The following NDOR1 variants were observed in gnomAD, a reference collection of about 807,000 sequenced individuals.
NDOR1 encodes the protein NADPH dependent diflavin oxidoreductase 1, also known as NADPH-dependent diflavin oxidoreductase 1.
Under a neutral mutation model 67.2 loss-of-function variants are expected in NDOR1, and 61 were observed. The observed-to-expected ratio is 0.91, with a 90% CI of 0.74 to 1.12. The LOEUF is 1.12. Among genes scored for constraint, NDOR1 ranks in the 50% most tolerant of loss-of-function variants. The pLI is 0.00. For missense variants in NDOR1, 878 were observed against 802.8 expected (o/e 1.09, Z -1.13); for synonymous variants, 378 against 343.7 (o/e 1.10, Z -1.10).
chr9:137,212,932 C>T lies in NDOR1; in HGVS notation c.311+333C>T. 3.1e-6 allele frequency: 1 copy of T among 321,564 alleles called. No homozygotes were observed. Among genetic ancestry groups the T allele is most frequent in the East Asian group, 6.8e-5 (1 of 14,752 alleles). 19.9% of individuals were successfully genotyped at this position (321,564 alleles called of 1,614,324 possible). A position where few individuals can be genotyped will look rare whatever the true frequency, so the allele number is the denominator to read the frequency against. The stretch of plus-strand genomic sequence containing the variant: ...AGCCTGGAGGAGGACCCCGTATGCT[C>T]CTGCCACCCCAGAGGCCACCTCTGC... On this transcript the variant is annotated intron_variant, in intron 3 of 13. Transcript: ENST00000684003. This position sits in a 1 kb window ranked among gnomAD's most constrained non-coding sequence, Gnocchi z 4.3.
chr9:137,216,767 G>A lies in NDOR1; in HGVS notation c.*351G>A. 1 of 335,192 alleles carries A rather than the reference G, an allele frequency of 3.0e-6. No individual in the cohort carries two copies. The highest frequency in any genetic ancestry group is 3.0e-5 in the South Asian group (1 of 33,768). The allele number at this position is 335,192 out of a possible 1,614,324, so 20.8% of individuals were successfully genotyped here. A position where few individuals can be genotyped will look rare whatever the true frequency, so the allele number is the denominator to read the frequency against. On this transcript the variant is annotated 3_prime_UTR_variant, in exon 14 of 14. Transcript: ENST00000684003. ...CAGCAGCCCAGTGAGCACCAGGGGT[G>A]GCATAGGGCACCCATGAGGCTGCGC...
At position 137,216,292 on chromosome 9, in the gene NDOR1, C is replaced by T. The variant is rs771503335; in HGVS notation, c.1670C>T (p.Ala557Val). ...TCTAGCAACGCCAAGTCCATGCCAG[C>T]GGACGTCTCGGAAGCCCTGATGTCC... ...YLAGNAKSMP[A>V]DVSEALMSIF... Residue 557 changes from alanine (A) to valine (V), a missense_variant, in exon 14 of 14, where the codon GCG (alanine) becomes GTG (valine). Transcript: ENST00000684003. 12 of 1,612,542 alleles carry T rather than the reference C, an allele frequency of 7.4e-6. No homozygotes were observed. The highest frequency in any genetic ancestry group is 3.3e-4 in the Middle Eastern group (2 of 6,084).
chr9:137,215,527 C>T lies in NDOR1; in HGVS notation c.1288+6C>T. ...ATCCCTGGACCCTGGGCAAGGTGAC[C>T]CCTGCTCCCAGGGTGGGGGCCGTGG... On this transcript the variant is annotated splice_donor_region_variant and intron_variant, in intron 10 of 13. Transcript: ENST00000684003. The T allele has an allele frequency of 1.2e-6, 2 of 1,613,014 alleles. No individual in the cohort carries two copies. The highest frequency in any genetic ancestry group is 1.7e-6 in the Non-Finnish European group (2 of 1,179,840).
chr9:137,210,868 C>T (rs928782177), intron 2 of NDOR1, among the ~76,000 whole-genome samples: 4 of 152,108 alleles, frequency 2.6e-5, no homozygotes, highest in Non-Finnish European at 4.4e-5. Context: ...AGGCCGGGCA[C>T]GACGGCTCAC....
intron 3 of NDOR1, among the ~76,000 whole-genome samples, chr9:137,213,198 TTCCGTGCGTGACGTAGG>T (rs1835345376): frequency 1.3e-5 from 2 of 152,098 alleles, no homozygotes; most frequent in East Asian, 1.9e-4. Flanking sequence ...GGAGGTTTTG[TTCCGTGCGTGACGTAGG>T]TCCGTGCATG....
In NDOR1 at chr9:137,215,987, G is replaced by A; in HGVS notation, c.1524G>A (p.Leu508=). The A allele has an allele frequency of 1.2e-6, 2 of 1,613,368 alleles. No homozygotes were observed. Among genetic ancestry groups the A allele is most frequent in the Non-Finnish European group, 8.5e-7 (1 of 1,180,006 alleles). The change falls in exon 12 of 14, where the codon CTG becomes CTA. Residue 508 remains leucine, a synonymous_variant. Coordinates refer to ENST00000684003, the MANE Select transcript of NDOR1 (RefSeq NM_014434.4). ...AGGAGCTGGAGAAGCGGGACTGTCT[G>A]ACCCTCATCCCTGCCTTCTCCCGGG... ...EWQELEKRDC[L]TLIPAFSREQ...
At chr9:137,208,467 CAA>C (rs1256971725) in intron 2 of NDOR1, among the ~76,000 whole-genome samples, 1 of 149,622 alleles carries the variant, frequency 6.7e-6, no homozygotes, top group Non-Finnish European at 1.5e-5. Flanking sequence ...AAAAAAAAGA[CAA>C]AAAACAAAAC....
At chr9:137,206,203 G>A in intron 1 of NDOR1, 29 bp from the exon 2 acceptor site, 1 of 1,613,648 alleles carries the variant, frequency 6.2e-7, no homozygotes. Context: ...ACAGCCGGAG[G>A]TCTTACGTGT....
chr9:137,218,980 C>G lies in NDOR1; in HGVS notation c.*2564C>G, dbSNP rs2131383558. ...GCCACACTTCCCCTCCGAGGGCCAGCTGAGCACAGCAGGCATGAAAGCAAA... is the reference window on the plus strand; with the variant it reads ...GCCACACTTCCCCTCCGAGGGCCAGGTGAGCACAGCAGGCATGAAAGCAAA... On this transcript the variant is annotated 3_prime_UTR_variant, in exon 14 of 14. Coordinates refer to ENST00000684003, the MANE Select transcript of NDOR1 (RefSeq NM_014434.4). 4.6e-6 allele frequency: 1 copy of G among 217,740 alleles called. No individual in the cohort carries two copies. Among genetic ancestry groups the G allele is most frequent in the South Asian group, 1.8e-4 (1 of 5,410 alleles). The allele number at this position is 217,740 out of a possible 1,614,324, so 13.5% of individuals were successfully genotyped here. A position where few individuals can be genotyped will look rare whatever the true frequency, so the allele number is the denominator to read the frequency against.
In NDOR1 at chr9:137,213,957, T is replaced by C. The variant is rs749359494; in HGVS notation, c.411-10T>C. Reference sequence around the variant, plus strand: ...GGTCCGCTCAGGCCAGCGCACGTGCTCCCTCCCAGGCCCGACGCTGCTGTG... The same window carrying C: ...GGTCCGCTCAGGCCAGCGCACGTGCCCCCTCCCAGGCCCGACGCTGCTGTG... On this transcript the variant is annotated splice_polypyrimidine_tract_variant and intron_variant, in intron 4 of 13. Transcript: ENST00000684003. 5.7e-6 allele frequency: 9 copies of C among 1,567,768 alleles called. No individual in the cohort carries two copies. The Admixed American group carries it at 1.5e-4, about 27-fold the overall frequency.
chr9:137,218,960 A>G lies in NDOR1; in HGVS notation c.*2544A>G, dbSNP rs994079818. On this transcript the variant is annotated 3_prime_UTR_variant, in exon 14 of 14. Transcript: ENST00000684003. ...CTGGCCACGGGCTGACGCCGGCCAC[A>G]CTTCCCCTCCGAGGGCCAGCTGAGC... 8.0e-6 allele frequency: 2 copies of G among 248,674 alleles called. No homozygotes were observed. Among genetic ancestry groups the G allele is most frequent in the African/African-American group, 4.5e-5 (2 of 44,896 alleles). The allele number at this position is 248,674 out of a possible 1,614,324, so 15.4% of individuals were successfully genotyped here. A position where few individuals can be genotyped will look rare whatever the true frequency, so the allele number is the denominator to read the frequency against.
rs1431340956 is a variant in NDOR1, at chr9:137,205,819, A to G, written c.42A>G (p.Thr14=). ...PQLLVLFGSQ[T]GTAQDVSERL... Reference sequence around the variant, plus strand: ...TTCTGGTGCTCTTCGGCAGCCAGACAGGCACGGCTCAGGATGTGTCGGAGA... The same window carrying G: ...TTCTGGTGCTCTTCGGCAGCCAGACGGGCACGGCTCAGGATGTGTCGGAGA... Residue 14 remains threonine (T), a synonymous_variant, in exon 1 of 14, where the codon ACA becomes ACG. Transcript: ENST00000684003. 1.9e-6 allele frequency: 3 copies of G among 1,605,498 alleles called. No individual in the cohort carries two copies. Among genetic ancestry groups the G allele is most frequent in the African/African-American group, 2.7e-5 (2 of 74,912 alleles).
In NDOR1 at chr9:137,213,847, G is replaced by C; in HGVS notation, c.379G>C (p.Val127Leu). 5 of 1,611,090 alleles carry C rather than the reference G, an allele frequency of 3.1e-6. No individual in the cohort carries two copies. The highest frequency in any genetic ancestry group is 3.4e-6 in the Non-Finnish European group (4 of 1,179,180). The change falls in exon 4 of 14, where the codon GTG (valine) becomes CTG (leucine). Residue 127 changes from valine (V) to leucine (L), a missense_variant. Physicochemically the swap from Val to Leu is conservative, Grantham distance 32. Transcript: ENST00000684003. The stretch of plus-strand genomic sequence containing the variant: ...GCTTGGGGGCAGCGCCCTCCTGCCC[G>C]TGTGCCTGGGCGATGACCAGCATGA... The part of the protein sequence containing the change: ...LQLGGSALLP[V>L]CLGDDQHELG...
Position 137,218,191 on chromosome 9 carries a change from C to T in NDOR1, c.*1775C>T, listed in dbSNP as rs1287624057. 1.8e-5 allele frequency: 7 copies of T among 398,386 alleles called. No homozygotes were observed. Among genetic ancestry groups the T allele is most frequent in the Middle Eastern group, 6.2e-4 (1 of 1,610 alleles). 24.7% of individuals were successfully genotyped at this position (398,386 alleles called of 1,614,324 possible). A position where few individuals can be genotyped will look rare whatever the true frequency, so the allele number is the denominator to read the frequency against. ...GGCTGCTGGGCTCGGCCTCCAGTGC[C>T]GACCTGGGCCGGGTGCGCTGCCCGC... On this transcript the variant is annotated 3_prime_UTR_variant, in exon 14 of 14. Coordinates refer to ENST00000684003, the MANE Select transcript of NDOR1 (RefSeq NM_014434.4).
chr9:137,215,341 G>A, intron 9 of NDOR1, 66 bp from the exon 10 acceptor site: 1 of 1,568,150 alleles, frequency 6.4e-7, no homozygotes. Flanking sequence ...GGTAGGTGGG[G>A]CCCACGGCCC....
chr9:137,207,685 G>A (rs1386242563), intron 2 of NDOR1, among the ~76,000 whole-genome samples: 3 of 152,192 alleles, frequency 2.0e-5, no homozygotes, highest in Non-Finnish European at 4.4e-5. Context: ...ATGTAAAGCT[G>A]CACAGAAGTC....
chr9:137,213,918 C>T (rs900285594), intron 4 of NDOR1, 40 bp downstream of exon 4: 1 of 1,593,722 alleles, frequency 6.3e-7, no homozygotes, highest in East Asian at 2.3e-5. Context: ...ACAGTCTGGT[C>T]TGGCCACACG....
Position 137,218,441 on chromosome 9 carries a change from C to G in NDOR1, c.*2025C>G, listed in dbSNP as rs1835736381. 5.0e-6 allele frequency: 2 copies of G among 398,356 alleles called. No homozygotes were observed. The highest frequency in any genetic ancestry group is 4.1e-5 in the African/African-American group (2 of 48,556). 24.7% of individuals were successfully genotyped at this position (398,356 alleles called of 1,614,324 possible). A position where few individuals can be genotyped will look rare whatever the true frequency, so the allele number is the denominator to read the frequency against. On this transcript the variant is annotated 3_prime_UTR_variant, in exon 14 of 14. Transcript: ENST00000684003. ...GCCCTTCCTGCCCTGTCCACCCTGC[C>G]TGGGTGCCCGGCTCTGGACCCTGCG...
chr9:137,206,900 T>G (rs1450670103), intron 2 of NDOR1, among the ~76,000 whole-genome samples: 1 of 152,054 alleles, frequency 6.6e-6, no homozygotes, highest in African/African-American at 2.4e-5. Flanking sequence ...GAAGGATGCG[T>G]GAGGGCTAGT....
Sources: allele counts gnomAD v4.1 joint callset (sites outside exome capture counted in the v4.1 genomes callset), GRCh38; gene constraint gnomAD v4.1.1; non-coding constraint Gnocchi (gnomAD v3.1); transcripts MANE v1.5; gene names NCBI Gene and HGNC (gene_info 2026-07-23, HGNC 2026-07-21).